Variants in ZKSCAN2 observed in about 807,000 individuals in gnomAD.
ZKSCAN2 encodes zinc finger protein with KRAB and SCAN domains 2.
In ZKSCAN2, 38 loss-of-function variants were observed where a neutral mutation model predicts 90.5. The observed-to-expected ratio is 0.42, with a 90% CI of 0.32 to 0.55. The LOEUF is 0.55. ZKSCAN2 is among the 20% of genes least tolerant of loss of function. The probability of loss-of-function intolerance (pLI) is 0.11; values close to 1 mark genes in which losing one functional copy is unlikely to be tolerated. For synonymous variants in ZKSCAN2, 429 were observed against 421.6 expected (o/e 1.02, Z -0.22); for missense variants, 1,167 against 1,202.6 (o/e 0.97, Z 0.44).
In ZKSCAN2 at chr16:25,257,837, G is replaced by A. The variant is rs866795484; in HGVS notation, c.-710C>T. ...GTCCACTCGGCCCGCGGAGAGCGCG[G>A]GGGGCGCTGGGAACCGCAGTCACGC... On this transcript the variant is annotated 5_prime_UTR_variant, in exon 1 of 7. Transcript: ENST00000328086. 1.3e-5 allele frequency: 2 copies of A among 151,996 alleles called. No homozygotes were observed. The highest frequency in any genetic ancestry group is 4.8e-5 in the African/African-American group (2 of 41,492). The allele number at this position is 151,996 out of a possible 1,614,324, so 9.4% of individuals were successfully genotyped here. A position where few individuals can be genotyped will look rare whatever the true frequency, so the allele number is the denominator to read the frequency against.
At chr16:25,248,147 A>G (rs191075815) in intron 4 of ZKSCAN2, among the ~76,000 whole-genome samples, 10 of 152,286 alleles carry the variant, frequency 6.6e-5, no homozygotes, top group Non-Finnish European at 1.5e-4. Flanking sequence ...TAAATCTCCT[A>G]GAAGAAAACA....
chr16:25,245,247 G>A (rs770919785), intron 5 of ZKSCAN2, among the ~76,000 whole-genome samples: 1 of 152,184 alleles, frequency 6.6e-6, no homozygotes, highest in Non-Finnish European at 1.5e-5. Context: ...TGGGACTACA[G>A]GAGTGTGCCA....
rs549776663 is a variant in ZKSCAN2 at position 25,254,857 on chromosome 16, G to C, written c.586+349C>G. 2.0e-5 allele frequency among the ~76,000 whole-genome samples: 3 copies of C among 150,302 alleles called. No homozygotes were observed. In the South Asian group the frequency reaches 6.3e-4, roughly 32 times the overall value. Reference sequence around the variant, plus strand: ...CACCCAGGCTGGAATACAGTGGTGTGATCACGGCTTACTGCAGCCTCAACC... The same window carrying C: ...CACCCAGGCTGGAATACAGTGGTGTCATCACGGCTTACTGCAGCCTCAACC... On this transcript the variant is annotated intron_variant, in intron 2 of 6. Coordinates refer to ENST00000328086, the MANE Select transcript of ZKSCAN2 (RefSeq NM_001012981.5).
chr16:25,251,388 G>C (rs531572761), intron 4 of ZKSCAN2, among the ~76,000 whole-genome samples: 8 of 151,944 alleles, frequency 5.3e-5, no homozygotes, highest in Non-Finnish European at 8.8e-5. Context: ...ATATATTTTC[G>C]TAAGTATTTA....
intron 2 of ZKSCAN2, among the ~76,000 whole-genome samples, chr16:25,254,078 G>GTTAA (rs1963059910): frequency 6.6e-6 from 1 of 152,158 alleles, no homozygotes; most frequent in African/African-American, 2.4e-5. Flanking sequence ...TCCTGACCAA[G>GTTAA]GCCACATAGA....
intron 4 of ZKSCAN2, among the ~76,000 whole-genome samples, chr16:25,250,033 G>A (rs1243360579): frequency 6.6e-6 from 1 of 152,184 alleles, no homozygotes; most frequent in Non-Finnish European, 1.5e-5. Context: ...GAAGGAGCCT[G>A]GGCGCAGTGG....
chr16:25,255,316 T>A lies in ZKSCAN2; in HGVS notation c.476A>T (p.Gln159Leu). The A allele has an allele frequency of 1.9e-6, 3 of 1,613,872 alleles. No homozygotes were observed. The highest frequency in any genetic ancestry group is 2.5e-6 in the Non-Finnish European group (3 of 1,179,966). Residue 159 changes from glutamine to leucine, a missense_variant, in exon 2 of 7, where the codon CAG (glutamine) becomes CTG (leucine). Physicochemically the swap from Gln to Leu is moderately radical, Grantham distance 113. Coordinates refer to ENST00000328086, the MANE Select transcript of ZKSCAN2 (RefSeq NM_001012981.5). ...CACCGCCCTGGGTTGGGTCTCCACCTGCTCTGGCTGGAAGTCTGCCACCTC... is the reference window on the plus strand; with the variant it reads ...CACCGCCCTGGGTTGGGTCTCCACCAGCTCTGGCTGGAAGTCTGCCACCTC... ...AWEVADFQPE[Q>L]VETQPRAVSR...
Position 25,239,541 on chromosome 16 carries a change from A to T in ZKSCAN2, c.*275T>A, listed in dbSNP as rs114375979. 2,130 of 301,480 alleles carry T rather than the reference A, an allele frequency of 7.1e-3. 39 individuals are homozygous for T. The highest frequency in any genetic ancestry group is 0.037 in the African/African-American group (1,738 of 47,110). 18.7% of individuals were successfully genotyped at this position (301,480 alleles called of 1,614,324 possible). ...TGAATGTTGCCGAACTTAGCAATCC[A>T]GTTGCAGTGGCCTCAATGTACTGAA... On this transcript the variant is annotated 3_prime_UTR_variant, in exon 7 of 7. Transcript: ENST00000328086.
intron 5 of ZKSCAN2, among the ~76,000 whole-genome samples, chr16:25,245,102 G>A (rs1357623496): frequency 6.6e-6 from 1 of 152,052 alleles, no homozygotes; most frequent in Non-Finnish European, 1.5e-5. Flanking sequence ...CATCTTAGCA[G>A]ATGTTTATTT....
At chr16:25,256,339 CTT>C (rs59703586) in intron 1 of ZKSCAN2, among the ~76,000 whole-genome samples, 212 of 141,780 alleles carry the variant, frequency 1.5e-3, no homozygotes, top group Admixed American at 1.7e-3. Flanking sequence ...CGGATGAAGT[CTT>C]TTTTTTTTTT....
chr16:25,246,422 C>T, intron 5 of ZKSCAN2: 1 of 488,962 alleles, frequency 2.0e-6, no homozygotes, highest in South Asian at 2.9e-5. Context: ...CCTTAGAACC[C>T]TGTAACTCCA....
rs113636937 is a variant in ZKSCAN2, at chr16:25,237,059, TAC to T, written c.*2755_*2756del. On this transcript the variant is annotated 3_prime_UTR_variant, in exon 7 of 7. Coordinates refer to ENST00000328086, the MANE Select transcript of ZKSCAN2 (RefSeq NM_001012981.5). ...TGTTTGTAATACATACATACAGATC[TAC>T]ACACACATGTAGACGTGTGTGTGTA... The T allele has an allele frequency of 0.11, 16,898 of 152,572 alleles. 1,347 individuals are homozygous for T. Among genetic ancestry groups the T allele is most frequent in the African/African-American group, 0.22 (9,036 of 41,458 alleles). The allele number at this position is 152,572 out of a possible 1,614,324, so 9.5% of individuals were successfully genotyped here. A position where few individuals can be genotyped will look rare whatever the true frequency, so the allele number is the denominator to read the frequency against.
intron 4 of ZKSCAN2, 46 bp downstream of exon 4, chr16:25,251,863 T>G: frequency 6.2e-7 from 1 of 1,603,684 alleles, no homozygotes; most frequent in Non-Finnish European, 8.5e-7. Flanking sequence ...AATGAATACA[T>G]TAGAAAGCTC....
Position 25,255,198 on chromosome 16 carries a change from C to A in ZKSCAN2, c.586+8G>T. The A allele has an allele frequency of 4.4e-6, 7 of 1,595,974 alleles. No homozygotes were observed. The highest frequency in any genetic ancestry group is 6.0e-6 in the Non-Finnish European group (7 of 1,173,576). On this transcript the variant is annotated splice_region_variant and intron_variant, in intron 2 of 6. Coordinates refer to ENST00000328086, the MANE Select transcript of ZKSCAN2 (RefSeq NM_001012981.5). The stretch of plus-strand genomic sequence containing the variant: ...TGCACTAGGCGTGCTCCGAGTCTTC[C>A]CTCTTACCATTCTTGGGTAAGGGCC...
Position 25,253,015 on chromosome 16 carries a change from A to G in ZKSCAN2, c.609T>C (p.Pro203=). 6.2e-7 allele frequency: 1 copy of G among 1,614,118 alleles called. No individual in the cohort carries two copies. Among genetic ancestry groups the G allele is most frequent in the South Asian group, 1.1e-5 (1 of 91,092 alleles). Residue 203 remains proline (P), a synonymous_variant, in exon 3 of 7, where the codon CCT becomes CCC. Transcript: ENST00000328086. ...GGGTATTCCATTCATCAGCAAGGGC[A>G]GGAACCCAGGGAGAAGGCCGAGCTG... ...PKNARPSPWV[P]ALADEWNTLD...
At chr16:25,256,463 G>C (rs942614859) in intron 1 of ZKSCAN2, among the ~76,000 whole-genome samples, 1 of 151,778 alleles carries the variant, frequency 6.6e-6, no homozygotes, top group Admixed American at 6.6e-5. Flanking sequence ...TTATGCCAAA[G>C]ATGACGATAA....
In ZKSCAN2 at chr16:25,246,823, A is replaced by G. The variant is rs544630865; in HGVS notation, c.1373T>C (p.Ile458Thr). The change falls in exon 5 of 7, where the codon ATC becomes ACC. Residue 458 changes from isoleucine (I) to threonine (T), a missense_variant. Physicochemically the swap from Ile to Thr is moderately conservative, Grantham distance 89 (BLOSUM62 -1). Transcript: ENST00000328086. The part of the protein sequence containing the change: ...KRIAISAKEH[I>T]SLVEEEEAAE... ...AGCTTCCTCCTCCTCCACCAAGCTG[A>G]TGTGTTCCTTAGCACTGATGGCAAT... 74 of 1,614,178 alleles carry G rather than the reference A, an allele frequency of 4.6e-5. No individual in the cohort carries two copies. In the South Asian group the frequency reaches 7.9e-4, roughly 17 times the overall value.
chr16:25,254,468 C>G (rs1963065673), intron 2 of ZKSCAN2, among the ~76,000 whole-genome samples: 1 of 152,208 alleles, frequency 6.6e-6, no homozygotes, highest in African/African-American at 2.4e-5. Flanking sequence ...GCCTGTGAGT[C>G]AAACTTTGAA....
Position 25,257,396 on chromosome 16 carries a change from T to A in ZKSCAN2, c.-269A>T, listed in dbSNP as rs1268206217. On this transcript the variant is annotated 5_prime_UTR_variant, in exon 1 of 7. Transcript: ENST00000328086. Reference sequence around the variant, plus strand: ...GTGGTTTTCCAGAGTGCATCCCTCTTAGTGCAAAGTCGGAAACCGGGAGGC... The same window carrying A: ...GTGGTTTTCCAGAGTGCATCCCTCTAAGTGCAAAGTCGGAAACCGGGAGGC... The A allele has an allele frequency of 1.7e-6, 2 of 1,164,442 alleles. No individual in the cohort carries two copies. Among genetic ancestry groups the A allele is most frequent in the Non-Finnish European group, 2.1e-6 (2 of 946,220 alleles). 72.1% of individuals were successfully genotyped at this position (1,164,442 alleles called of 1,614,324 possible).
Sources: allele counts gnomAD v4.1 joint callset (sites outside exome capture counted in the v4.1 genomes callset), GRCh38; gene constraint gnomAD v4.1.1; transcripts MANE v1.5; gene names NCBI Gene and HGNC (gene_info 2026-07-23, HGNC 2026-07-21).